Variants in MGAM observed in about 807,000 individuals in gnomAD.
MGAM encodes alpha-1,4-glucosidase.
Under a neutral mutation model 358.8 loss-of-function variants are expected in MGAM, and 253 were observed. The observed-to-expected ratio is 0.71, with a 90% confidence interval of 0.64 to 0.78. The LOEUF (loss-of-function observed/expected upper bound fraction) is 0.78, where lower values mean the gene tolerates loss of function less well. MGAM is among the 30% of genes least tolerant of loss of function. The pLI is 0.00. For synonymous variants in MGAM, 1,105 were observed against 1,227.1 expected (o/e 0.90, Z 2.08); for missense variants, 3,080 against 3,432.6 (o/e 0.90, Z 2.57).
At chr7:142,059,740 A>C in intron 32 of MGAM, 116 bp from the exon 33 acceptor site, 1 of 1,567,664 alleles carries the variant, frequency 6.4e-7, no homozygotes, top group East Asian at 2.3e-5. Flanking sequence ...GGACTCACAG[A>C]AACTCTACTG....
chr7:142,021,508 C>G, intron 5 of MGAM, 78 bp from the exon 6 acceptor site: 2 of 1,407,274 alleles, frequency 1.4e-6, no homozygotes, highest in Non-Finnish European at 1.9e-6. Flanking sequence ...TGCCTGATTC[C>G]AGTATCCTAA....
upstream of MGAM, among the ~76,000 whole-genome samples, chr7:141,990,970 G>A (rs1803919058): frequency 6.6e-6 from 1 of 152,134 alleles, no homozygotes; most frequent in Non-Finnish European, 1.5e-5. Flanking sequence ...GTAGCCATTT[G>A]ACTTCTCTCT....
chr7:142,097,340 T>C (rs1477059747), intron 65 of MGAM, among the ~76,000 whole-genome samples: 6 of 44,584 alleles, frequency 1.3e-4, no homozygotes, highest in Non-Finnish European at 3.8e-4. Flanking sequence ...TATAAGCAAA[T>C]AGTGAATTTT....
intron 66 of MGAM, among the ~76,000 whole-genome samples, chr7:142,098,301 C>T (rs1274514153): frequency 1.3e-5 from 2 of 152,246 alleles, no homozygotes; most frequent in South Asian, 4.1e-4. Flanking sequence ...TCTTCCCGGG[C>T]AGCTCTGGGG....
At position 142,078,266 on chromosome 7, in the gene MGAM, C is replaced by T. The variant is rs926085633; in HGVS notation, c.5494-52C>T. The T allele has an allele frequency of 1.9e-5, 25 of 1,297,710 alleles. No individual in the cohort carries two copies. In the African/African-American group the frequency reaches 3.6e-4, roughly 19 times the overall value. 80.4% of individuals were successfully genotyped at this position (1,297,710 alleles called of 1,614,324 possible). On this transcript the variant is annotated intron_variant, in intron 47 of 70. Transcript: ENST00000475668. ...TAAATAAATAAAGTCTTAGATTTTG[C>T]AAGGCCTTTCTCCCAAAGATGAATT...
chr7:141,993,074 T>C (rs1804015180), upstream of MGAM, among the ~76,000 whole-genome samples: 1 of 152,216 alleles, frequency 6.6e-6, no homozygotes, highest in Non-Finnish European at 1.5e-5. Context: ...AAGAGATAAA[T>C]TGATTCAATT....
At chr7:141,988,951 G>T (rs1263670575) in intron 2 of MGAM, among the ~76,000 whole-genome samples, 2 of 152,152 alleles carry the variant, frequency 1.3e-5, no homozygotes, top group African/African-American at 4.8e-5. Flanking sequence ...AGATGTTAAG[G>T]TCTTTTATAT....
intron 21 of MGAM, 131 bp downstream of exon 21, chr7:142,040,977 C>A: frequency 9.2e-7 from 1 of 1,086,450 alleles, no homozygotes; most frequent in Non-Finnish European, 1.3e-6. Context: ...AGTTTTAGCA[C>A]CAAAAGTCTC....
At chr7:142,093,588 G>A (rs781528294) in intron 60 of MGAM, 38 bp downstream of exon 60, 9 of 1,482,068 alleles carry the variant, frequency 6.1e-6, no homozygotes, top group Middle Eastern at 1.7e-4. Flanking sequence ...GTCACAACCT[G>A]TAGGGATTGC....
intron 14 of MGAM, 127 bp downstream of exon 14, chr7:142,033,036 G>T: frequency 3.8e-6 from 2 of 524,236 alleles, no homozygotes; most frequent in South Asian, 3.7e-5. Context: ...GAAATATGTG[G>T]GTAATATATA....
At chr7:142,022,533 G>C (rs1454348108) in intron 7 of MGAM, 94 bp downstream of exon 7, 1 of 1,336,162 alleles carries the variant, frequency 7.5e-7, no homozygotes, top group East Asian at 2.6e-5. Flanking sequence ...AAGAGTTAGA[G>C]TCTAGAGTGA....
In MGAM at chr7:142,083,426, C is replaced by T; in HGVS notation, c.6381+13C>T. 6.6e-7 allele frequency: 1 copy of T among 1,512,478 alleles called. No homozygotes were observed. Among genetic ancestry groups the T allele is most frequent in the Non-Finnish European group, 9.1e-7 (1 of 1,099,294 alleles). 93.7% of individuals were successfully genotyped at this position (1,512,478 alleles called of 1,614,324 possible). A position where few individuals can be genotyped will look rare whatever the true frequency, so the allele number is the denominator to read the frequency against. ...GCAGTACACTGAGGTAGGGAGAAAT[C>T]CAATTGTTTATCAAGTACTTATATA... On this transcript the variant is annotated intron_variant, in intron 53 of 70. Transcript: ENST00000475668.
intron 65 of MGAM, 63 bp from the exon 66 acceptor site, chr7:142,097,530 A>G (rs1816036334): frequency 6.7e-7 from 1 of 1,486,574 alleles, no homozygotes; most frequent in East Asian, 2.3e-5. Flanking sequence ...TTTCCTAAGT[A>G]TTTTGGTTTC....
At chr7:142,041,972 AT>A (rs1563145163) in intron 21 of MGAM, among the ~76,000 whole-genome samples, 3 of 22,934 alleles carry the variant, frequency 1.3e-4, no homozygotes, top group African/African-American at 4.5e-4. Flanking sequence ...TATATATATT[AT>A]ATATATATAA....
At chr7:142,067,669 A>T (rs1414986640) in intron 42 of MGAM, among the ~76,000 whole-genome samples, 1 of 142,486 alleles carries the variant, frequency 7.0e-6, no homozygotes, top group Non-Finnish European at 1.6e-5. Flanking sequence ...CACCTCATGG[A>T]ATAGTCAATG....
At chr7:142,103,858 A>AT (rs111391825) in intron 70 of MGAM, among the ~76,000 whole-genome samples, 4,062 of 143,108 alleles carry the variant, frequency 0.028, 176 homozygotes, top group South Asian at 0.13. Context: ...TTATCACTCA[A>AT]TTTTTTTTTT....
In MGAM at chr7:142,030,367, T is replaced by C. The variant is rs782343267; in HGVS notation, c.1227T>C (p.Val409=). ...RNRAAQLPYD[V]QHADIDYMDE... Reference sequence around the variant, plus strand: ...GACTTTGTATATTCTTTCAGGATGTTCAGCATGCTGATATTGATTATATGG... The same window carrying C: ...GACTTTGTATATTCTTTCAGGATGTCCAGCATGCTGATATTGATTATATGG... Residue 409 remains valine (V), a synonymous_variant, in exon 11 of 71, where the codon GTT becomes GTC. Coordinates refer to ENST00000475668, the MANE Select transcript of MGAM (RefSeq NM_001365693.1). The C allele has an allele frequency of 6.2e-7, 1 of 1,613,006 alleles. No individual in the cohort carries two copies. Among genetic ancestry groups the C allele is most frequent in the Non-Finnish European group, 8.5e-7 (1 of 1,179,476 alleles).
At chr7:142,057,353 ATAG>A (rs1040223268) in intron 30 of MGAM, among the ~76,000 whole-genome samples, 10 of 148,918 alleles carry the variant, frequency 6.7e-5, no homozygotes, top group East Asian at 2.0e-4. Flanking sequence ...GATGACGGTG[ATAG>A]TGGTGGTGAT....
At chr7:142,019,056 T>A (rs1172321259) in intron 3 of MGAM, 143 bp from the exon 4 acceptor site, 2 of 1,083,138 alleles carry the variant, frequency 1.8e-6, no homozygotes. Flanking sequence ...GCTTGGTATA[T>A]GGCACAATTT....
Sources: gnomAD v4.1 joint callset for allele counts (sites outside exome capture counted in the v4.1 genomes callset) on GRCh38, gnomAD v4.1.1 for gene constraint, MANE v1.5 for transcripts, NCBI Gene and HGNC (gene_info 2026-07-23, HGNC 2026-07-21) for gene names.